The following LPP variants were observed in gnomAD, a reference collection of about 807,000 sequenced individuals.
LPP encodes the protein lipoma-preferred partner.
LPP carries 38 observed loss-of-function variants against 60.4 expected under a neutral mutation model. The ratio of observed to expected loss-of-function variants is 0.63; its 90% CI spans 0.49 to 0.83. The LOEUF is 0.83. Among genes scored for constraint, LPP ranks in the 40% least tolerant of loss-of-function variants. The pLI is 0.00. For missense variants in LPP, 902 were observed against 783.6 expected (o/e 1.15, Z -1.80); for synonymous variants, 328 against 290.8 (o/e 1.13, Z -1.30).
At chr3:188,599,321 C>T (rs570600412) in intron 6 of LPP, among the ~76,000 whole-genome samples, 25 of 152,146 alleles carry the variant, frequency 1.6e-4, no homozygotes, top group Admixed American at 1.3e-3. Flanking sequence ...GATATGCTAG[C>T]TTTATGAAGA....
In LPP at chr3:188,176,326, T is replaced by TA. The variant is rs1305389227; in HGVS notation, c.-190+22077dup. Among the ~76,000 whole-genome samples the TA allele has an allele frequency of 1.8e-3, 279 of 152,130 alleles. 1 individual carries two copies. The highest frequency in any genetic ancestry group is 6.6e-3 in the African/African-American group (272 of 41,514). On this transcript the variant is annotated intron_variant, in intron 1 of 11. Transcript: ENST00000617246. ...TTCTTTCTTTTGTAAAAAAAATAAA[T>TA]AAATAAATTTAAAAAAGAGTTTTTG...
rs537590369 is a variant in LPP, at chr3:188,514,634, G to A, written c.307-10031G>A. On this transcript the variant is annotated intron_variant, in intron 5 of 11. Transcript: ENST00000617246. ...ATTTTGTATTTTTAGTAGAGATGGC[G>A]TTTCGCCATGTTGGCCAGGCTGGTC... Among the ~76,000 whole-genome samples, 13 of 152,042 alleles carry A rather than the reference G, an allele frequency of 8.6e-5. No homozygotes were observed. In the South Asian group the frequency reaches 1.5e-3, roughly 17 times the overall value.
At position 188,194,258 on chromosome 3, in the gene LPP, G is replaced by A. The variant is rs140637592; in HGVS notation, c.-189-31147G>A. ...TTCCTCTGTACTTCGTAATTGTGCC[G>A]ATAAGAAGTCCTCATTTCAGCTTTA... On this transcript the variant is annotated intron_variant, in intron 1 of 11. Coordinates refer to ENST00000617246, the MANE Select transcript of LPP (RefSeq NM_001375462.1). 3.7e-3 allele frequency among the ~76,000 whole-genome samples: 558 copies of A among 152,330 alleles called. 4 individuals are homozygous for A. The highest frequency in any genetic ancestry group is 3.4e-3 in the Non-Finnish European group (232 of 68,036).
intron 7 of LPP, among the ~76,000 whole-genome samples, chr3:188,651,994 G>T (rs1037639115): frequency 6.6e-6 from 1 of 151,996 alleles, no homozygotes; most frequent in Non-Finnish European, 1.5e-5. Flanking sequence ...GACTTTTTCA[G>T]GGTTTCACTG....
intron 3 of LPP, among the ~76,000 whole-genome samples, chr3:188,359,310 C>T (rs945630505): frequency 6.6e-6 from 1 of 152,134 alleles, no homozygotes; most frequent in East Asian, 1.9e-4. Context: ...AGCTGCAGCC[C>T]CTCTGACGAA....
intron 8 of LPP, among the ~76,000 whole-genome samples, chr3:188,730,491 G>A (rs960875497): frequency 1.3e-5 from 2 of 152,214 alleles, no homozygotes; most frequent in African/African-American, 4.8e-5. Context: ...TGTAAGTGGA[G>A]AAACACTAAT....
chr3:188,199,775 C>T (rs1040403184), intron 1 of LPP, among the ~76,000 whole-genome samples: 24 of 151,262 alleles, frequency 1.6e-4, no homozygotes, highest in Admixed American at 5.9e-4. Flanking sequence ...AGTTCAATGG[C>T]GTGATCTTGG....
intron 6 of LPP, among the ~76,000 whole-genome samples, chr3:188,540,714 A>T (rs528826643): frequency 5.1e-4 from 78 of 152,358 alleles, no homozygotes; most frequent in African/African-American, 1.9e-3. Context: ...TGACATATTT[A>T]GCACCATATG....
chr3:188,203,575 TTAAATATATATATATTTAAATATATA>T (rs1732181137), intron 1 of LPP, among the ~76,000 whole-genome samples: 1 of 99,224 alleles, frequency 1.0e-5, no homozygotes, highest in African/African-American at 4.0e-5. Context: ...AAATATATAT[TTAAATATATATATATTTAAATATATA>T]TAAATATATA....
chr3:188,454,533 A>G (rs1797296782), intron 4 of LPP, among the ~76,000 whole-genome samples: 1 of 152,212 alleles, frequency 6.6e-6, no homozygotes, highest in South Asian at 2.1e-4. Flanking sequence ...CTCCAGTTTT[A>G]TGCATTCTAT....
At chr3:188,542,375 G>A (rs773535229) in intron 6 of LPP, among the ~76,000 whole-genome samples, 1 of 152,128 alleles carries the variant, frequency 6.6e-6, no homozygotes, top group Non-Finnish European at 1.5e-5. Flanking sequence ...TTTATGATAG[G>A]CACATCCTTC....
intron 4 of LPP, among the ~76,000 whole-genome samples, chr3:188,476,820 C>G (rs369251351): frequency 1.3e-5 from 2 of 152,214 alleles, no homozygotes; most frequent in South Asian, 2.1e-4. Context: ...GTTCCTCGGT[C>G]AAGGTCACAT....
intron 9 of LPP, among the ~76,000 whole-genome samples, chr3:188,842,770 T>A (rs562513116): frequency 2.3e-4 from 35 of 152,284 alleles, no homozygotes; most frequent in African/African-American, 7.9e-4. Context: ...CATTGAGGCC[T>A]AATTTACATG....
chr3:188,766,585 TGA>T (rs1455009203), intron 9 of LPP, among the ~76,000 whole-genome samples: 1 of 152,164 alleles, frequency 6.6e-6, no homozygotes, highest in African/African-American at 2.4e-5. Context: ...CCATAGAGTA[TGA>T]GTGTCAGAGC....
At position 188,277,782 on chromosome 3, in the gene LPP, C is replaced by T. The variant is rs1031864911; in HGVS notation, c.-67+52255C>T. On this transcript the variant is annotated intron_variant, in intron 2 of 11. Coordinates refer to ENST00000617246, the MANE Select transcript of LPP (RefSeq NM_001375462.1). ...TCCTAGACTTCAGTGGCTCAAATGC[C>T]GAGACATGACCTCCATATTGACCAC... Among the ~76,000 whole-genome samples, 77 of 152,192 alleles carry T rather than the reference C, an allele frequency of 5.1e-4. 1 individual carries two copies. The highest frequency in any genetic ancestry group is 3.9e-4 in the East Asian group (2 of 5,152).
chr3:188,434,667 G>C (rs1791859820), intron 4 of LPP, among the ~76,000 whole-genome samples: 2 of 152,186 alleles, frequency 1.3e-5, no homozygotes, highest in African/African-American at 4.8e-5. Flanking sequence ...ATTCCCCCTG[G>C]ACTATCTTCA....
chr3:188,616,694 G>A (rs892357391), intron 7 of LPP, among the ~76,000 whole-genome samples: 6 of 152,112 alleles, frequency 3.9e-5, no homozygotes, highest in African/African-American at 1.4e-4. Flanking sequence ...AATTTGAAAA[G>A]AGCCGATACG....
chr3:188,719,210 A>T (rs1456454236), intron 8 of LPP, among the ~76,000 whole-genome samples: 5 of 152,200 alleles, frequency 3.3e-5, no homozygotes, highest in African/African-American at 1.2e-4. Flanking sequence ...TGTAGGTTTC[A>T]TCTATAGTCT....
intron 8 of LPP, chr3:188,709,215 A>C (rs1866107138): frequency 6.6e-6 from 1 of 152,212 alleles, no homozygotes; most frequent in African/African-American, 2.4e-5. Context: ...GGTTCTGTGG[A>C]CGCATAACCT....
Sources: allele counts gnomAD v4.1 joint callset (sites outside exome capture counted in the v4.1 genomes callset), GRCh38; gene constraint gnomAD v4.1.1; transcripts MANE v1.5; gene names NCBI Gene and HGNC (gene_info 2026-07-23, HGNC 2026-07-21).